S100PBP: variants seen among roughly 807,000 people sequenced by gnomAD.
The protein encoded by S100PBP is S100P-binding protein.
S100PBP carries 15 observed loss-of-function variants against 39.9 expected under a neutral mutation model. The observed-to-expected ratio is 0.38, with a 90% CI of 0.25 to 0.58. S100PBP has a LOEUF of 0.58. S100PBP is among the 20% of genes least tolerant of loss of function. The pLI, the probability that S100PBP is intolerant of heterozygous loss-of-function variation, is 0.70. For synonymous variants in S100PBP, 178 were observed against 180.3 expected (o/e 0.99, Z 0.10); for missense variants, 504 against 487.3 (o/e 1.03, Z -0.32).
intron 6 of S100PBP, among the ~76,000 whole-genome samples, chr1:32,854,625 C>G (rs1215368979): frequency 6.6e-6 from 1 of 152,322 alleles, no homozygotes; most frequent in South Asian, 2.1e-4. Flanking sequence ...GTGCACTGTT[C>G]ACAACTCAGC....
intron 5 of S100PBP, among the ~76,000 whole-genome samples, chr1:32,831,960 G>A (rs1339910222): frequency 1.3e-5 from 2 of 152,176 alleles, no homozygotes; most frequent in African/African-American, 4.8e-5. Flanking sequence ...CCATTCAGCA[G>A]TTCCTTTCCC....
At chr1:32,843,884 G>A (rs1323504808) in intron 5 of S100PBP, among the ~76,000 whole-genome samples, 3 of 151,814 alleles carry the variant, frequency 2.0e-5, no homozygotes, top group East Asian at 3.9e-4. Context: ...CACCATGCCC[G>A]GCTGAGATCT....
intron 5 of S100PBP, among the ~76,000 whole-genome samples, chr1:32,850,982 A>T (rs1330551753): frequency 6.6e-6 from 1 of 152,232 alleles, no homozygotes; most frequent in East Asian, 1.9e-4. Context: ...GCTGTGTGCC[A>T]TAGCAATGTG....
At chr1:32,849,631 G>GGAAATTT (rs2148690621) in intron 5 of S100PBP, among the ~76,000 whole-genome samples, 2 of 152,274 alleles carry the variant, frequency 1.3e-5, no homozygotes, top group South Asian at 4.1e-4. Flanking sequence ...TTAGTTATTA[G>GGAAATTT]TGCTAAGGAA....
chr1:32,845,193 T>A (rs1196387847), intron 5 of S100PBP, among the ~76,000 whole-genome samples: 4 of 151,910 alleles, frequency 2.6e-5, no homozygotes, highest in Admixed American at 2.6e-4. Flanking sequence ...CCCGGCTAAT[T>A]TTTTGTATTT....
At chr1:32,825,640 T>C (rs57377769) in intron 2 of S100PBP, among the ~76,000 whole-genome samples, 6,265 of 152,268 alleles carry the variant, frequency 0.041, 335 homozygotes, top group African/African-American at 0.12. Flanking sequence ...AAGTACTCCA[T>C]AGCACAAACA....
intron 5 of S100PBP, among the ~76,000 whole-genome samples, chr1:32,837,763 G>T (rs543269490): frequency 3.3e-4 from 50 of 151,926 alleles, no homozygotes; most frequent in Non-Finnish European, 6.3e-4. Flanking sequence ...ACTCTTTTGA[G>T]TCTGGCTTCT....
At chr1:32,850,505 A>G (rs1373706316) in intron 5 of S100PBP, among the ~76,000 whole-genome samples, 1 of 152,112 alleles carries the variant, frequency 6.6e-6, no homozygotes, top group Admixed American at 6.5e-5. Context: ...TCATGAGGAA[A>G]CTCATTTCTG....
Position 32,848,837 on chromosome 1 carries a change from T to C in S100PBP, c.1025-4242T>C, listed in dbSNP as rs140743058. ...AATTGTTGACGTCATTCCTGAAATATTGGGGGTTTTTCCCTCCTTTATTTC... is the reference window on the plus strand; with the variant it reads ...AATTGTTGACGTCATTCCTGAAATACTGGGGGTTTTTCCCTCCTTTATTTC... On this transcript the variant is annotated intron_variant, in intron 5 of 6. Transcript: ENST00000373475. Among the ~76,000 whole-genome samples the C allele has an allele frequency of 2.3e-3, 344 of 152,348 alleles. 1 individual carries two copies. Among genetic ancestry groups the C allele is most frequent in the African/African-American group, 7.8e-3 (323 of 41,576 alleles).
chr1:32,817,196 T>G, upstream of S100PBP: 1 of 1,614,192 alleles, frequency 6.2e-7, no homozygotes, highest in East Asian at 2.2e-5. Flanking sequence ...ACCTGCAGGT[T>G]CCGGGTGATA....
intron 5 of S100PBP, among the ~76,000 whole-genome samples, chr1:32,831,534 T>A (rs1639598865): frequency 1.3e-5 from 2 of 152,140 alleles, no homozygotes; most frequent in African/African-American, 4.8e-5. Flanking sequence ...TTTATAAGAT[T>A]ATGATGAGAC....
At chr1:32,819,373 G>A (rs1638935300) in intron 1 of S100PBP, among the ~76,000 whole-genome samples, 1 of 152,172 alleles carries the variant, frequency 6.6e-6, no homozygotes, top group African/African-American at 2.4e-5. Context: ...TTCAAGACTA[G>A]ACTGGCCAAC....
At chr1:32,852,179 G>A (rs56311932) in intron 5 of S100PBP, among the ~76,000 whole-genome samples, 12,065 of 152,166 alleles carry the variant, frequency 0.079, 675 homozygotes, top group Admixed American at 0.16. Context: ...CTGGCATGGT[G>A]ATAGGCGCCT....
In S100PBP at chr1:32,857,984, A is replaced by G. The variant is rs968307090; in HGVS notation, c.*1946A>G. On this transcript the variant is annotated 3_prime_UTR_variant, in exon 7 of 7. Transcript: ENST00000373475. ...GTAGTTGAAATCTATTATTTTAGTT[A>G]GCCTACTTGGCATTTACTACATCGG... The G allele has an allele frequency of 2.6e-5, 4 of 152,236 alleles. No homozygotes were observed. Among genetic ancestry groups the G allele is most frequent in the African/African-American group, 9.6e-5 (4 of 41,466 alleles). The allele number at this position is 152,236 out of a possible 1,614,324, so 9.4% of individuals were successfully genotyped here.
At chr1:32,822,651 A>G (rs1195329166) in intron 1 of S100PBP, among the ~76,000 whole-genome samples, 2 of 151,618 alleles carry the variant, frequency 1.3e-5, no homozygotes, top group Non-Finnish European at 1.5e-5. Flanking sequence ...AGGAAGTAAC[A>G]TCAGACATCA....
chr1:32,846,412 C>T (rs1315283601), intron 5 of S100PBP, among the ~76,000 whole-genome samples: 1 of 150,838 alleles, frequency 6.6e-6, no homozygotes, highest in South Asian at 2.1e-4. Flanking sequence ...AGCATTAATC[C>T]ATTTACATTT....
At chr1:32,849,815 T>C (rs892601008) in intron 5 of S100PBP, among the ~76,000 whole-genome samples, 5 of 152,236 alleles carry the variant, frequency 3.3e-5, no homozygotes, top group African/African-American at 1.2e-4. Context: ...ATTCTGGCTT[T>C]GTCATTAGAC....
intron 5 of S100PBP, among the ~76,000 whole-genome samples, chr1:32,845,974 T>G (rs1424446930): frequency 6.6e-6 from 1 of 151,866 alleles, no homozygotes; most frequent in East Asian, 1.9e-4. Context: ...CCACTGGGCC[T>G]TGCCTTAATT....
Position 32,852,399 on chromosome 1 carries a change from GA to G in S100PBP, c.1025-679del, listed in dbSNP as rs1640648141. On this transcript the variant is annotated intron_variant, in intron 5 of 6. Coordinates refer to ENST00000373475, the MANE Select transcript of S100PBP (RefSeq NM_022753.4). ...ATTAATAACATCTATCTCCATGTAA[GA>G]TTTTTTTTAGAATTAAGTAAGATAA... Among the ~76,000 whole-genome samples the G allele has an allele frequency of 3.9e-5, 6 of 152,142 alleles. No individual in the cohort carries two copies. In the South Asian group the frequency reaches 1.0e-3, roughly 26 times the overall value.
Sources: allele counts gnomAD v4.1 joint callset (sites outside exome capture counted in the v4.1 genomes callset), GRCh38; gene constraint gnomAD v4.1.1; transcripts MANE v1.5; gene names NCBI Gene and HGNC (gene_info 2026-07-23, HGNC 2026-07-21).